MECR: variants seen among roughly 807,000 people sequenced by gnomAD.
The protein encoded by MECR is enoyl-[acyl-carrier-protein] reductase, mitochondrial.
Under a neutral mutation model 49.1 loss-of-function variants are expected in MECR, and 37 were observed. That is an observed-to-expected ratio of 0.75 (90% CI 0.58 to 0.99). The LOEUF (loss-of-function observed/expected upper bound fraction) is 0.99. Ranked by LOEUF, MECR falls within the 50% of genes least tolerant of loss-of-function variation. The pLI, the probability that MECR is intolerant of heterozygous loss-of-function variation, is 0.00. For missense variants in MECR, 470 were observed against 479.6 expected, an observed-to-expected ratio of 0.98 and a Z score of 0.19; for synonymous variants, 198 against 191.1, an observed-to-expected ratio of 1.04 and a Z score of -0.30.
At chr1:29,175,789 AAG>A in the MECR span, among the ~76,000 whole-genome samples, 1 of 152,002 alleles carries the variant, frequency 6.6e-6, no homozygotes, top group African/African-American at 2.4e-5. Context: ...ACTATACATA[AAG>A]AGAGTTATTC....
chr1:29,182,035 G>GGCAAGGTGATCGACAGGCGGCGCT, the MECR span: 1 of 303,314 alleles, frequency 3.3e-6, no homozygotes. Flanking sequence ...CGTGCGGCGG[G>GGCAAGGTGATCGACAGGCGGCGCT]GCAAGGTGAT....
rs1198478744 is a variant in MECR, at chr1:29,230,872, G to A, written c.35C>T (p.Thr12Ile). Residue 12 changes from threonine (T) to isoleucine (I), a missense_variant, in exon 1 of 10, where the codon ACC becomes ATC. Coordinates refer to ENST00000263702, the MANE Select transcript of MECR (RefSeq NM_016011.5). The stretch of plus-strand genomic sequence containing the variant: ...CAGCCCCCGCCACTGCCGGGCGGGG[G>A]TTCGCACCCGCCACAGGGTACTGCA... ...WVCSTLWRVR[T>I]PARQWRGLLP... The A allele has an allele frequency of 9.3e-6, 15 of 1,606,058 alleles. No individual in the cohort carries two copies. Among genetic ancestry groups the A allele is most frequent in the Non-Finnish European group, 1.3e-5 (15 of 1,178,972 alleles).
Position 29,201,224 on chromosome 1 carries a change from GCC to G in MECR, c.757-637_757-636del. 2.9e-6 allele frequency: 1 copy of G among 343,664 alleles called. No homozygotes were observed. Among genetic ancestry groups the G allele is most frequent in the South Asian group, 2.3e-5 (1 of 43,436 alleles). The allele number at this position is 343,664 out of a possible 1,614,324, so 21.3% of individuals were successfully genotyped here. A position where few individuals can be genotyped will look rare whatever the true frequency, so the allele number is the denominator to read the frequency against. On this transcript the variant is annotated intron_variant, in intron 6 of 9. Transcript: ENST00000263702. The surrounding 1 kb of genome is among the most constrained non-coding windows in gnomAD (Gnocchi z 4.3). ...TTTGGTGGGTTTCAGCTCCCTGTGT[GCC>G]CCCCTTTTCAGTTCTTTGACTCAGC...
intron 1 of MECR, among the ~76,000 whole-genome samples, chr1:29,225,651 C>G (rs1002205233): frequency 6.6e-6 from 1 of 152,182 alleles, no homozygotes; most frequent in Admixed American, 6.5e-5. Flanking sequence ...TCTGTTCCCA[C>G]TCCATTCATG....
chr1:29,200,645 GAAGCTTGCCC>G, intron 6 of MECR, 56 bp from the exon 7 acceptor site: 1 of 1,499,374 alleles, frequency 6.7e-7, no homozygotes, highest in East Asian at 2.3e-5. Flanking sequence ...TATGGGGTCT[GAAGCTTGCCC>G]AAGTGCTGTG....
At chr1:29,202,693 C>T (rs1346087268) in intron 5 of MECR, among the ~76,000 whole-genome samples, 10 of 152,188 alleles carry the variant, frequency 6.6e-5, no homozygotes, top group Non-Finnish European at 1.5e-4. Flanking sequence ...GACAAACCTG[C>T]CCCTGTCTCC....
At chr1:29,180,760 C>T in the MECR span, among the ~76,000 whole-genome samples, 3 of 152,194 alleles carry the variant, frequency 2.0e-5, no homozygotes, top group African/African-American at 7.2e-5. Flanking sequence ...CCTGATTCCT[C>T]AACAGTTTTC....
At chr1:29,192,408 G>C (rs1428190093), downstream of MECR, among the ~76,000 whole-genome samples, 1 of 152,292 alleles carries the variant, frequency 6.6e-6, no homozygotes, top group East Asian at 1.9e-4. Flanking sequence ...ATCCTTCCTT[G>C]ATGCCCTCGG....
At chr1:29,178,322 G>A in the MECR span, among the ~76,000 whole-genome samples, 1 of 149,226 alleles carries the variant, frequency 6.7e-6, no homozygotes, top group Non-Finnish European at 1.5e-5. Flanking sequence ...CCTATCTAAA[G>A]CATCCAAAAT....
chr1:29,197,543 G>A (rs1464251758), intron 7 of MECR, among the ~76,000 whole-genome samples: 1 of 152,148 alleles, frequency 6.6e-6, no homozygotes, highest in Non-Finnish European at 1.5e-5. Context: ...CCCACTCCCT[G>A]GCTCTTCTAG....
intron 1 of MECR, 75 bp from the exon 2 acceptor site, chr1:29,216,760 A>G (rs1277868392): frequency 1.9e-6 from 3 of 1,606,762 alleles, no homozygotes; most frequent in Admixed American, 1.7e-5. Context: ...CATCTCCTCA[A>G]AGTAGGTCAG....
At chr1:29,196,084 C>G in intron 8 of MECR, 71 bp from the exon 9 acceptor site, 2 of 1,595,552 alleles carry the variant, frequency 1.3e-6, no homozygotes, top group Non-Finnish European at 1.7e-6. Flanking sequence ...GGTACAGACT[C>G]CCCTCCAGGA....
At chr1:29,189,149 A>C (rs1173271928), downstream of MECR, among the ~76,000 whole-genome samples, 1 of 151,920 alleles carries the variant, frequency 6.6e-6, no homozygotes, top group Non-Finnish European at 1.5e-5. Flanking sequence ...CATGTTGGCC[A>C]GGGTGGTCTC....
At chr1:29,192,098 A>C (rs1479634106), downstream of MECR, among the ~76,000 whole-genome samples, 1 of 152,180 alleles carries the variant, frequency 6.6e-6, no homozygotes, top group African/African-American at 2.4e-5. Context: ...CTCAAAAAAA[A>C]AAACAAACAT....
At chr1:29,204,220 T>TAAA (rs886453683) in intron 4 of MECR, among the ~76,000 whole-genome samples, 5 of 146,046 alleles carry the variant, frequency 3.4e-5, no homozygotes, top group Non-Finnish European at 7.6e-5. Context: ...CTCCCTCTAT[T>TAAA]AAAAAAAAAA....
chr1:29,196,391 A>G (rs1479185145), intron 7 of MECR, 133 bp from the exon 8 acceptor site: 13 of 820,556 alleles, frequency 1.6e-5, no homozygotes, highest in Non-Finnish European at 2.5e-5. Context: ...GAAAGGTTGA[A>G]AAATACAGAT....
chr1:29,187,728 T>A (rs1356005532), downstream of MECR, among the ~76,000 whole-genome samples: 1 of 149,766 alleles, frequency 6.7e-6, no homozygotes, highest in Non-Finnish European at 1.5e-5. Flanking sequence ...GCCTCCCAAG[T>A]AGCTGGAACT....
At chr1:29,197,270 G>A (rs1674233046) in intron 7 of MECR, among the ~76,000 whole-genome samples, 1 of 152,198 alleles carries the variant, frequency 6.6e-6, no homozygotes, top group South Asian at 2.1e-4. Flanking sequence ...CTAGGGTGAT[G>A]CAGTGAAAAT....
chr1:29,183,192 A>G, the MECR span, among the ~76,000 whole-genome samples: 1 of 152,204 alleles, frequency 6.6e-6, no homozygotes, highest in South Asian at 2.1e-4. Flanking sequence ...TATAAAACAA[A>G]TAGTAGGATA....
Sources: gnomAD v4.1 joint callset for allele counts (sites outside exome capture counted in the v4.1 genomes callset) on GRCh38, gnomAD v4.1.1 for gene constraint, Gnocchi (gnomAD v3.1) non-coding constraint, MANE v1.5 for transcripts, NCBI Gene and HGNC (gene_info 2026-07-23, HGNC 2026-07-21) for gene names.